Variants in ZNF814 observed in about 807,000 individuals in gnomAD.
The protein encoded by ZNF814 is zinc finger protein 814.
In ZNF814, 5 loss-of-function variants were observed where a neutral mutation model predicts 7.5. The observed-to-expected ratio is 0.67, with a 90% CI of 0.35 to 1.40. The LOEUF (loss-of-function observed/expected upper bound fraction) is 1.40. ZNF814 is among the 40% of genes most tolerant of loss of function. ZNF814 has a pLI of 0.04. For synonymous variants in ZNF814, 315 were observed against 340.7 expected, an observed-to-expected ratio of 0.92 and a Z score of 0.83; for missense variants, 962 against 1,018.0, an observed-to-expected ratio of 0.94 and a Z score of 0.75.
the ZNF814 span, among the ~76,000 whole-genome samples, chr19:57,904,257 C>A: frequency 3.9e-5 from 6 of 152,108 alleles, no homozygotes; most frequent in Non-Finnish European, 8.8e-5. Context: ...CCTCACCTGT[C>A]TGCCCCCACA....
the ZNF814 span, among the ~76,000 whole-genome samples, chr19:57,900,926 A>C: frequency 7.3e-6 from 1 of 136,798 alleles, no homozygotes; most frequent in Admixed American, 8.5e-5. Context: ...GGTTCACTGC[A>C]AGCTCCGCCT....
chr19:57,887,711 C>T (rs1210302556), intron 1 of ZNF814, among the ~76,000 whole-genome samples: 1 of 152,076 alleles, frequency 6.6e-6, no homozygotes, highest in East Asian at 1.9e-4. Context: ...CTTGTGTAAG[C>T]AGATTCTCAA....
rs1448264943 is a variant in ZNF814 at position 57,870,520 on chromosome 19, T to C, written c.*2302A>G. Reference sequence around the variant, plus strand: ...CCTCCTGTTAATGCAGGAATGACCTTGAGGAGAACAGCCCAGAATGAGTAC... The same window carrying C: ...CCTCCTGTTAATGCAGGAATGACCTCGAGGAGAACAGCCCAGAATGAGTAC... On this transcript the variant is annotated 3_prime_UTR_variant, in exon 3 of 3. Transcript: ENST00000435989. 1 of 152,122 alleles carries C rather than the reference T, an allele frequency of 6.6e-6. No homozygotes were observed. Among genetic ancestry groups the C allele is most frequent in the East Asian group, 1.9e-4 (1 of 5,200 alleles). The allele number at this position is 152,122 out of a possible 1,614,324, so 9.4% of individuals were successfully genotyped here. A position where few individuals can be genotyped will look rare whatever the true frequency, so the allele number is the denominator to read the frequency against.
rs371930394 is a variant in ZNF814 at position 57,874,658 on chromosome 19, G to A, written c.732C>T (p.Cys244=). ...RLLTREECYV[C]CECGKSFSKY... ...TGCTAAAGGACTTCCCACATTCACA[G>A]CACACATAACACTCTTCTCTAGTGA... The change falls in exon 3 of 3, where the codon TGC becomes TGT. Residue 244 remains cysteine (C), a synonymous_variant. Transcript: ENST00000435989. 1.3e-5 allele frequency: 20 copies of A among 1,557,746 alleles called. No homozygotes were observed. The highest frequency in any genetic ancestry group is 1.7e-4 in the Middle Eastern group (1 of 6,022).
the ZNF814 span, among the ~76,000 whole-genome samples, chr19:57,896,336 G>C: frequency 6.6e-6 from 1 of 152,196 alleles, no homozygotes; most frequent in South Asian, 2.1e-4. This position sits in a 1 kb window ranked among gnomAD's most constrained non-coding sequence, Gnocchi z 4.2. Context: ...AGACAAGTGT[G>C]TAAAAAACTA....
chr19:57,869,394 C>T lies in ZNF814; in HGVS notation c.*3428G>A, dbSNP rs780069886. 16 of 145,822 alleles carry T rather than the reference C, an allele frequency of 1.1e-4. No individual in the cohort carries two copies. The highest frequency in any genetic ancestry group is 2.2e-4 in the South Asian group (1 of 4,596). The allele number at this position is 145,822 out of a possible 1,614,324, so 9.0% of individuals were successfully genotyped here. A position where few individuals can be genotyped will look rare whatever the true frequency, so the allele number is the denominator to read the frequency against. On this transcript the variant is annotated 3_prime_UTR_variant, in exon 3 of 3. Coordinates refer to ENST00000435989, the MANE Select transcript of ZNF814 (RefSeq NM_001144989.2). ...AGCACCCAGGGATTATAAGAGGAAA[C>T]ACTTTATTACATCACTCATCTAACA...
chr19:57,889,330 G>A (rs2071719650), upstream of ZNF814, among the ~76,000 whole-genome samples: 1 of 152,100 alleles, frequency 6.6e-6, no homozygotes, highest in South Asian at 2.1e-4. Flanking sequence ...GATCATTTGA[G>A]GTCAGGAGTT....
chr19:57,892,335 T>A (rs1210019956), upstream of ZNF814, among the ~76,000 whole-genome samples: 1 of 152,228 alleles, frequency 6.6e-6, no homozygotes, highest in Non-Finnish European at 1.5e-5. Context: ...TATACCCAGA[T>A]AAAGAATGAG....
chr19:57,876,838 G>T, intron 2 of ZNF814, 78 bp downstream of exon 2: 1 of 1,589,804 alleles, frequency 6.3e-7, no homozygotes, highest in Non-Finnish European at 8.6e-7. Context: ...CTCCTGACAT[G>T]AGAAAGTCTT....
At chr19:57,885,209 C>T (rs558006260) in intron 1 of ZNF814, among the ~76,000 whole-genome samples, 18 of 151,864 alleles carry the variant, frequency 1.2e-4, no homozygotes, top group Admixed American at 7.9e-4. Context: ...TTAGTCTCAG[C>T]TACTTGGGAG....
chr19:57,874,664 A>G lies in ZNF814; in HGVS notation c.726T>C (p.Tyr242=), dbSNP rs1308174072. The change falls in exon 3 of 3, where the codon TAT becomes TAC. Residue 242 remains tyrosine, a synonymous_variant. Transcript: ENST00000435989. ...HQRLLTREEC[Y]VCCECGKSFS... ...AGGACTTCCCACATTCACAGCACAC[A>G]TAACACTCTTCTCTAGTGAGCAGTC... is the stretch of plus-strand genomic sequence containing the variant. 2.6e-6 allele frequency: 4 copies of G among 1,559,312 alleles called. No individual in the cohort carries two copies. Among genetic ancestry groups the G allele is most frequent in the East Asian group, 4.8e-5 (2 of 41,434 alleles).
intron 2 of ZNF814, among the ~76,000 whole-genome samples, chr19:57,875,992 GCT>G: frequency 9.2e-6 from 1 of 108,304 alleles, no homozygotes; most frequent in South Asian, 3.2e-4. Flanking sequence ...ATGGAGTCTC[GCT>G]CTGTCACCCA....
the ZNF814 span, among the ~76,000 whole-genome samples, chr19:57,902,664 CTT>C: frequency 5.6e-5 from 8 of 143,586 alleles, no homozygotes; most frequent in Admixed American, 6.9e-5. Context: ...TATTACTCTT[CTT>C]TTTTTTTTTT....
rs751255472 is a variant in ZNF814, at chr19:57,874,171, G to C, written c.1219C>G (p.His407Asp). 6.3e-5 allele frequency: 100 copies of C among 1,588,464 alleles called. No individual in the cohort carries two copies. The highest frequency in any genetic ancestry group is 3.3e-4 in the Middle Eastern group (2 of 6,058). ...TTCCCACATTCTCCACATTCATAAT[G>C]TTTTTTGTCAGTGTGAACTCTCTGA... ...NHQRVHTDKK[H>D]YECGECGKSF... The change falls in exon 3 of 3, where the codon CAT becomes GAT. Residue 407 changes from histidine to aspartate, a missense_variant. This residue lies in a region of ZNF814 where 665 missense variants were observed against 551.4 expected (regional missense o/e 1.21). Coordinates refer to ENST00000435989, the MANE Select transcript of ZNF814 (RefSeq NM_001144989.2).
the ZNF814 span, chr19:57,901,844 A>G: frequency 5.0e-6 from 2 of 397,512 alleles, no homozygotes; most frequent in Non-Finnish European, 8.9e-6. Context: ...CTTATGTCCC[A>G]TTTCCTCCTT....
the ZNF814 span, among the ~76,000 whole-genome samples, chr19:57,898,330 TAAC>T: frequency 6.6e-6 from 1 of 152,160 alleles, no homozygotes. Flanking sequence ...AGTATAGTAA[TAAC>T]AGTAAACAAA....
chr19:57,885,388 C>G (rs532821992), intron 1 of ZNF814, among the ~76,000 whole-genome samples: 1 of 150,212 alleles, frequency 6.7e-6, no homozygotes, highest in Non-Finnish European at 1.5e-5. Context: ...CTCAGCACTT[C>G]GGGAGGCTGA....
chr19:57,900,495 A>T, the ZNF814 span: 1 of 152,218 alleles, frequency 6.6e-6, no homozygotes, highest in African/African-American at 2.4e-5. Flanking sequence ...TGCAGGCCTC[A>T]GAAAAAGATA....
Position 57,872,898 on chromosome 19 carries a change from T to A in ZNF814, c.2492A>T (p.Glu831Val). The A allele has an allele frequency of 6.2e-7, 1 of 1,611,110 alleles. No homozygotes were observed. The highest frequency in any genetic ancestry group is 1.1e-5 in the South Asian group (1 of 90,764). The change falls in exon 3 of 3, where the codon GAG becomes GTG. Residue 831 changes from glutamate (E) to valine (V), a missense_variant. By Grantham distance (121) the Glu-to-Val change is moderately radical. Transcript: ENST00000435989. ...CTTGTTAAATAATTTCCCACATTTC[T>A]CACATTTATAAGGCTTTTCTCCAGT... is the stretch of plus-strand genomic sequence containing the variant. ...VHTGEKPYKC[E>V]KCGKLFNKKS...
Sources: gnomAD v4.1 joint callset for allele counts (sites outside exome capture counted in the v4.1 genomes callset) on GRCh38, gnomAD v4.1.1 for gene constraint, gnomAD v4.1.1 regional missense constraint, Gnocchi (gnomAD v3.1) non-coding constraint, MANE v1.5 for transcripts, NCBI Gene and HGNC (gene_info 2026-07-23, HGNC 2026-07-21) for gene names.